The following CLDN14 variants were observed in gnomAD, a reference collection of about 807,000 sequenced individuals.
CLDN14 encodes claudin-14.
A neutral mutation model predicts 2.1 loss-of-function variants in CLDN14; 2 were observed. That is an observed-to-expected ratio of 0.96 (90% CI 0.39 to 3.01). CLDN14 has a LOEUF of 3.01. CLDN14 is among the 30% of genes most tolerant of loss of function. The probability of loss-of-function intolerance (pLI) is 0.09; values close to 1 mark genes in which losing one functional copy is unlikely to be tolerated. For synonymous variants in CLDN14, 136 were observed against 154.4 expected (o/e 0.88, Z 0.88); for missense variants, 298 against 328.0 (o/e 0.91, Z 0.71).
chr21:36,560,085 T>C (rs1423623432), intron 1 of CLDN14, among the ~76,000 whole-genome samples: 4 of 152,216 alleles, frequency 2.6e-5, no homozygotes, highest in Non-Finnish European at 4.4e-5. Context: ...AAGTACAACT[T>C]TAGTTGATGG....
At chr21:36,562,937 T>C (rs1057163926) in intron 1 of CLDN14, among the ~76,000 whole-genome samples, 1 of 152,198 alleles carries the variant, frequency 6.6e-6, no homozygotes, top group Non-Finnish European at 1.5e-5. Context: ...TAATATGGCA[T>C]GATTTCGAAG....
chr21:36,489,234 C>T lies in CLDN14; in HGVS notation c.-82+21129G>A, dbSNP rs1483964769. Among the ~76,000 whole-genome samples the T allele has an allele frequency of 6.5e-5, 9 of 138,138 alleles. No homozygotes were observed. In the East Asian group the frequency reaches 1.9e-3, roughly 29 times the overall value. The allele number at this position is 138,138 out of a possible 152,430, so 90.6% of individuals were successfully genotyped here. A position where few individuals can be genotyped will look rare whatever the true frequency, so the allele number is the denominator to read the frequency against. The stretch of plus-strand genomic sequence containing the variant: ...AGAGAGAGAGAGAGAGAGAGAACAT[C>T]CAAAACTGATATTAGCCATTCTGAA... On this transcript the variant is annotated intron_variant, in intron 2 of 2. Coordinates refer to the CLDN14 transcript ENST00000342108.
At chr21:36,486,083 A>G in intron 2 of CLDN14, 1 of 1,379,638 alleles carries the variant, frequency 7.2e-7, no homozygotes, top group Non-Finnish European at 1.0e-6. Flanking sequence ...GTTGGGATCC[A>G]CACCTGGGAG....
intron 1 of CLDN14, among the ~76,000 whole-genome samples, chr21:36,468,747 T>TTTTCTTTC (rs749433177): frequency 7.7e-4 from 116 of 150,798 alleles, no homozygotes; most frequent in African/African-American, 2.6e-3. Flanking sequence ...ACTTTTTTCT[T>TTTTCTTTC]TTTCTTTCTT....
At chr21:36,467,606 C>A (rs981052502) in intron 1 of CLDN14, among the ~76,000 whole-genome samples, 1 of 150,490 alleles carries the variant, frequency 6.6e-6, no homozygotes, top group Admixed American at 6.6e-5. Context: ...TTGGTAAAGG[C>A]GGTGGTGGGG....
At chr21:36,471,326 C>T (rs2086708143) in intron 1 of CLDN14, among the ~76,000 whole-genome samples, 1 of 152,068 alleles carries the variant, frequency 6.6e-6, no homozygotes, top group Non-Finnish European at 1.5e-5. Context: ...CTGGAAAGTC[C>T]CCTGCAAATT....
upstream of CLDN14, among the ~76,000 whole-genome samples, chr21:36,481,300 A>T (rs185840722): frequency 2.0e-5 from 3 of 152,232 alleles, no homozygotes; most frequent in African/African-American, 7.2e-5. Context: ...GGAATGAACT[A>T]ACTTGGAGAT....
intron 2 of CLDN14, among the ~76,000 whole-genome samples, chr21:36,507,287 A>G (rs2087142013): frequency 6.6e-6 from 1 of 152,176 alleles, no homozygotes; most frequent in South Asian, 2.1e-4. Context: ...ATGGCTGTGT[A>G]TATCTTTTAG....
intron 1 of CLDN14, among the ~76,000 whole-genome samples, chr21:36,559,498 A>G (rs1221884742): frequency 6.6e-6 from 1 of 152,168 alleles, no homozygotes; most frequent in Non-Finnish European, 1.5e-5. Context: ...AGGCTGGCTG[A>G]GAGTTTTTAT....
intron 1 of CLDN14, among the ~76,000 whole-genome samples, chr21:36,513,669 C>T (rs1355810940): frequency 6.6e-6 from 1 of 152,072 alleles, no homozygotes; most frequent in Non-Finnish European, 1.5e-5. Context: ...GGTCATAAGC[C>T]CTCTGTGGCT....
Position 36,501,332 on chromosome 21 carries a change from C to CTT in CLDN14, c.-82+9029_-82+9030dup, listed in dbSNP as rs58458004. ...AATGGGAGTTTCAGTCAATATCTCA[C>CTT]TTTTTTTTTTTTTTTTTTTTTTTTT... is the stretch of plus-strand genomic sequence containing the variant. On this transcript the variant is annotated intron_variant, in intron 2 of 2. Transcript: ENST00000342108. 5.3e-3 allele frequency among the ~76,000 whole-genome samples: 259 copies of CTT among 48,444 alleles called. 64 individuals are homozygous for CTT. Among genetic ancestry groups the CTT allele is most frequent in the Non-Finnish European group, 8.8e-3 (205 of 23,300 alleles). 31.8% of individuals were successfully genotyped at this position (48,444 alleles called of 152,430 possible).
intron 1 of CLDN14, among the ~76,000 whole-genome samples, chr21:36,472,320 G>A (rs79008732): frequency 0.019 from 2,966 of 152,222 alleles, 34 homozygotes; most frequent in African/African-American, 0.037. Flanking sequence ...GTTTAGCTGC[G>A]GGGTGTGAGA....
intron 1 of CLDN14, among the ~76,000 whole-genome samples, chr21:36,466,986 G>T (rs1023664391): frequency 1.3e-5 from 2 of 152,142 alleles, no homozygotes; most frequent in Middle Eastern, 3.2e-3. Flanking sequence ...TAGAGTTTTG[G>T]TCGACTTCAT....
chr21:36,509,087 T>C (rs561923791), intron 2 of CLDN14, among the ~76,000 whole-genome samples: 108 of 152,260 alleles, frequency 7.1e-4, no homozygotes, highest in Non-Finnish European at 4.0e-4. Flanking sequence ...TAAAAACCAA[T>C]AGTTTAAACA....
chr21:36,536,897 TA>T (rs2087428162), intron 1 of CLDN14, among the ~76,000 whole-genome samples: 1 of 152,062 alleles, frequency 6.6e-6, no homozygotes, highest in Non-Finnish European at 1.5e-5. Context: ...ATTGCTCAAC[TA>T]AAAAAACCTG....
chr21:36,524,581 G>C (rs2087308847), intron 1 of CLDN14, among the ~76,000 whole-genome samples: 1 of 152,222 alleles, frequency 6.6e-6, no homozygotes, highest in African/African-American at 2.4e-5. Flanking sequence ...ACCGTGCTGT[G>C]GGCCTAGAAA....
intron 1 of CLDN14, among the ~76,000 whole-genome samples, chr21:36,554,950 GAAT>G (rs2146519870): frequency 6.6e-6 from 1 of 152,296 alleles, no homozygotes; most frequent in East Asian, 1.9e-4. Context: ...CATATTTATA[GAAT>G]TGCTTCCTCA....
At chr21:36,492,470 G>GAAAAAAAA (rs2086978216) in intron 2 of CLDN14, among the ~76,000 whole-genome samples, 1 of 69,142 alleles carries the variant, frequency 1.4e-5, no homozygotes, top group Non-Finnish European at 3.7e-5. Flanking sequence ...AAAAAAAAAT[G>GAAAAAAAA]CAAAAATTAG....
chr21:36,470,692 G>A (rs573926465), intron 1 of CLDN14, among the ~76,000 whole-genome samples: 33 of 152,302 alleles, frequency 2.2e-4, no homozygotes, highest in African/African-American at 7.9e-4. Context: ...GAAAATGCTC[G>A]GCCAGGCCCC....
Sources: gnomAD v4.1 joint callset for allele counts (sites outside exome capture counted in the v4.1 genomes callset) on GRCh38, gnomAD v4.1.1 for gene constraint, MANE v1.5 for transcripts, NCBI Gene and HGNC (gene_info 2026-07-23, HGNC 2026-07-21) for gene names.